Variants in NHSL1 observed in about 807,000 individuals in gnomAD.
The protein encoded by NHSL1 is NHS-like protein 1.
A neutral mutation model predicts 95.0 loss-of-function variants in NHSL1; 48 were observed. That is an observed-to-expected ratio of 0.51 (90% confidence interval 0.40 to 0.64). The LOEUF is 0.64. Among genes scored for constraint, NHSL1 ranks in the 30% least tolerant of loss-of-function variants. The pLI, the probability that NHSL1 is intolerant of heterozygous loss-of-function variation, is 0.00. For missense variants in NHSL1, 1,971 were observed against 2,077.7 expected, an observed-to-expected ratio of 0.95 and a Z score of 1.00; for synonymous variants, 783 against 833.9, an observed-to-expected ratio of 0.94 and a Z score of 1.05.
chr6:138,527,122 G>A (rs1050162379), intron 1 of NHSL1, among the ~76,000 whole-genome samples: 6 of 152,166 alleles, frequency 3.9e-5, no homozygotes, highest in African/African-American at 7.2e-5. Context: ...AATCCGAGCC[G>A]TCGCTCTTCA....
intron 1 of NHSL1, among the ~76,000 whole-genome samples, chr6:138,596,099 G>A (rs972529559): frequency 7.2e-5 from 11 of 152,156 alleles, no homozygotes; most frequent in Non-Finnish European, 1.5e-4. Context: ...GCATAGAAAG[G>A]TAATGGTCTG....
intron 1 of NHSL1, among the ~76,000 whole-genome samples, chr6:138,639,788 ACT>A (rs1784935314): frequency 8.2e-6 from 1 of 122,598 alleles, no homozygotes; most frequent in Non-Finnish European, 1.6e-5. Context: ...ACAGAGTGAG[ACT>A]CAGTCTCAAA....
chr6:138,537,405 G>T (rs1040139832), intron 1 of NHSL1, among the ~76,000 whole-genome samples: 3 of 151,676 alleles, frequency 2.0e-5, no homozygotes, highest in African/African-American at 7.3e-5. Context: ...TTTAAAAGTT[G>T]GCGTAAATAT....
intron 4 of NHSL1, among the ~76,000 whole-genome samples, chr6:138,444,037 G>A (rs1776702770): frequency 6.6e-6 from 1 of 151,916 alleles, no homozygotes; most frequent in Non-Finnish European, 1.5e-5. Flanking sequence ...ATTTTTTGAG[G>A]GTACAGACTG....
chr6:138,623,540 C>T (rs57351266), intron 1 of NHSL1, among the ~76,000 whole-genome samples: 1 of 151,924 alleles, frequency 6.6e-6, no homozygotes. Context: ...ATTTAAAGGT[C>T]TACTCTCTCA....
intron 1 of NHSL1, among the ~76,000 whole-genome samples, chr6:138,579,602 C>T (rs1784022691): frequency 6.6e-6 from 1 of 152,172 alleles, no homozygotes; most frequent in South Asian, 2.1e-4. Context: ...ATCCAATGAT[C>T]CAGACCAGCC....
At chr6:138,514,402 GGAATACACTCTAA>G (rs1214143186) in intron 1 of NHSL1, among the ~76,000 whole-genome samples, 4 of 152,226 alleles carry the variant, frequency 2.6e-5, no homozygotes, top group Admixed American at 2.6e-4. Flanking sequence ...TTATCCACAA[GGAATACACTCTAA>G]GACTTCCAGT....
chr6:138,423,092 G>GT lies in NHSL1; in HGVS notation c.*988dup, dbSNP rs1412283361. On this transcript the variant is annotated 3_prime_UTR_variant, in exon 8 of 8. Coordinates refer to ENST00000343505, the MANE Select transcript of NHSL1 (RefSeq NM_001144060.2). ...TTGCCTAATGGAAGTTTAAACTCTG[G>GT]TTAAAAAAAAAAAAAAAAAAAAACT... is the stretch of plus-strand genomic sequence containing the variant. The GT allele has an allele frequency of 1.9e-5, 1 of 51,302 alleles. No individual in the cohort carries two copies. The highest frequency in any genetic ancestry group is 3.9e-5 in the Non-Finnish European group (1 of 25,486). The allele number at this position is 51,302 out of a possible 1,614,324, so 3.2% of individuals were successfully genotyped here. A position where few individuals can be genotyped will look rare whatever the true frequency, so the allele number is the denominator to read the frequency against.
At chr6:138,449,938 T>G (rs1160585878) in intron 3 of NHSL1, among the ~76,000 whole-genome samples, 2 of 152,220 alleles carry the variant, frequency 1.3e-5, no homozygotes, top group Non-Finnish European at 2.9e-5. Context: ...TTAATTAAAT[T>G]GACAAATATA....
At chr6:138,545,319 G>A (rs922325540) in intron 1 of NHSL1, among the ~76,000 whole-genome samples, 4 of 152,028 alleles carry the variant, frequency 2.6e-5, no homozygotes, top group African/African-American at 9.7e-5. Flanking sequence ...TATATTTATT[G>A]AGTTGATTTT....
chr6:138,424,298 G>A lies in NHSL1; in HGVS notation c.4604C>T (p.Pro1535Leu), dbSNP rs991180311. Residue 1535 changes from proline to leucine, a missense_variant, in exon 8 of 8, where the codon CCT becomes CTT. By Grantham distance (98) the Pro-to-Leu change is moderately conservative. Transcript: ENST00000343505. This position sits in a 1 kb window ranked among gnomAD's most constrained non-coding sequence, Gnocchi z 5.9. ...ISEGEGEAVE[P>L]VDSIARGALG... ...AGCCCCGCGGGCTATGCTGTCCACA[G>A]GCTCCACGGCTTCCCCTTCTCCCTC... 2.0e-6 allele frequency: 3 copies of A among 1,513,138 alleles called. No homozygotes were observed. The highest frequency in any genetic ancestry group is 4.3e-5 in the Admixed American group (2 of 46,816). The allele number at this position is 1,513,138 out of a possible 1,614,324, so 93.7% of individuals were successfully genotyped here.
At chr6:138,487,457 A>C (rs1218740471) in intron 2 of NHSL1, among the ~76,000 whole-genome samples, 1 of 152,250 alleles carries the variant, frequency 6.6e-6, no homozygotes, top group Non-Finnish European at 1.5e-5. Context: ...TATAATATCC[A>C]GCCCAGTGCT....
chr6:138,635,078 T>TAA (rs1157212246), intron 1 of NHSL1, among the ~76,000 whole-genome samples: 3 of 140,086 alleles, frequency 2.1e-5, no homozygotes, highest in African/African-American at 2.6e-5. Flanking sequence ...GTACCTACAT[T>TAA]AAAAAAAAAA....
chr6:138,484,005 T>G (rs1012739150), intron 2 of NHSL1, among the ~76,000 whole-genome samples: 3 of 152,194 alleles, frequency 2.0e-5, no homozygotes, highest in Non-Finnish European at 4.4e-5. Flanking sequence ...AATGGGCCTC[T>G]TCTCCCATCC....
intron 1 of NHSL1, among the ~76,000 whole-genome samples, chr6:138,564,272 T>G (rs1783523431): frequency 1.3e-5 from 2 of 152,098 alleles, no homozygotes. Flanking sequence ...TGTCCTCTCT[T>G]GCTGTCTCCA....
chr6:138,595,597 T>G (rs1288339583), intron 1 of NHSL1, among the ~76,000 whole-genome samples: 2 of 152,164 alleles, frequency 1.3e-5, no homozygotes, highest in Non-Finnish European at 2.9e-5. Context: ...ACAGATATAT[T>G]AAGTCTTTTT....
chr6:138,619,680 G>A (rs141656592), intron 1 of NHSL1, among the ~76,000 whole-genome samples: 167 of 152,202 alleles, frequency 1.1e-3, no homozygotes, highest in African/African-American at 3.8e-3. Flanking sequence ...CCACCACTTC[G>A]GGAGGACAAG....
At chr6:138,550,712 G>A (rs1011933779) in intron 1 of NHSL1, among the ~76,000 whole-genome samples, 2 of 152,180 alleles carry the variant, frequency 1.3e-5, no homozygotes, top group African/African-American at 4.8e-5. Context: ...ATAAAATAGT[G>A]GGGATGAGAA....
At chr6:138,489,654 C>T (rs1779911365) in intron 2 of NHSL1, among the ~76,000 whole-genome samples, 1 of 149,804 alleles carries the variant, frequency 6.7e-6, no homozygotes, top group African/African-American at 2.5e-5. Context: ...CCCAGCTACT[C>T]AGGGTGCTGA....
Sources: allele counts gnomAD v4.1 joint callset (sites outside exome capture counted in the v4.1 genomes callset), GRCh38; gene constraint gnomAD v4.1.1; non-coding constraint Gnocchi (gnomAD v3.1); transcripts MANE v1.5; gene names NCBI Gene and HGNC (gene_info 2026-07-23, HGNC 2026-07-21).